Variants in BRME1 observed in about 807,000 individuals in gnomAD.
BRME1 encodes BRCA2 and MEILB2-associating protein 1.
BRME1 carries 31 observed loss-of-function variants against 52.6 expected under a neutral mutation model. That is an observed-to-expected ratio of 0.59 (90% CI 0.44 to 0.80). The LOEUF is 0.80. BRME1 is among the 30% of genes least tolerant of loss of function. The pLI is 0.00. For synonymous variants in BRME1, 359 were observed against 353.6 expected, an observed-to-expected ratio of 1.02 and a Z score of -0.17; for missense variants, 804 against 860.3, an observed-to-expected ratio of 0.93 and a Z score of 0.82.
intron 3 of BRME1, 141 bp downstream of exon 3, chr19:13,895,231 G>A: frequency 1.3e-6 from 1 of 793,522 alleles, no homozygotes; most frequent in Non-Finnish European, 1.9e-6. Flanking sequence ...CGAGATCCGA[G>A]GGCCCTGAGC....
In BRME1 at chr19:13,890,099, G is replaced by T. The variant is rs1030598281; in HGVS notation, c.757C>A (p.Gln253Lys). The T allele has an allele frequency of 8.1e-6, 13 of 1,613,830 alleles. No homozygotes were observed. Among genetic ancestry groups the T allele is most frequent in the Non-Finnish European group, 9.3e-6 (11 of 1,179,992 alleles). Residue 253 changes from glutamine (Q) to lysine (K), a missense_variant, in exon 6 of 9, where the codon CAG becomes AAG. By Grantham distance (53) the Gln-to-Lys change is moderately conservative. Transcript: ENST00000586783. ...GCTGTCCTTTGGGCCCCTCCCTCCT[G>T]GGGGGCTCCTCTGTCTGGCTTCTCC... ...EGEKPDRGAPQEGGAQRTAGA... is the reference protein window; with the variant it reads ...EGEKPDRGAPKEGGAQRTAGA...
chr19:13,897,647 C>T (rs1970000971), intron 2 of BRME1, among the ~76,000 whole-genome samples: 1 of 152,272 alleles, frequency 6.6e-6, no homozygotes, highest in South Asian at 2.1e-4. Flanking sequence ...AGGTGGATTG[C>T]TTAAGCTCAG....
chr19:13,895,606 C>A (rs1969832895), intron 2 of BRME1, 60 bp from the exon 3 acceptor site: 1 of 1,447,300 alleles, frequency 6.9e-7, no homozygotes, highest in African/African-American at 1.4e-5. Context: ...TCATGGCTGA[C>A]AACTCAGGTC....
chr19:13,901,032 G>T (rs1375089908), intron 2 of BRME1, among the ~76,000 whole-genome samples: 1 of 152,004 alleles, frequency 6.6e-6, no homozygotes, highest in South Asian at 2.1e-4. Flanking sequence ...TGGAGTGCAG[G>T]CGCAATCATA....
intron 3 of BRME1, among the ~76,000 whole-genome samples, chr19:13,893,589 C>A (rs188460041): frequency 2.0e-5 from 3 of 152,038 alleles, no homozygotes; most frequent in Non-Finnish European, 2.9e-5. Context: ...ACTCACCTAT[C>A]GAGACAAACG....
chr19:13,889,197 T>TGGGGCTTCGAAGTCAGAGGCGTCC lies in BRME1; in HGVS notation c.1635_1658dup (p.Asp546_Pro553dup). On this transcript the variant is annotated inframe_insertion, in exon 6 of 9. Transcript: ENST00000586783. ...TCAGGGCAGCTCTCACCTGCTCAGG[T>TGGGGCTTCGAAGTCAGAGGCGTCC]GGGGCTTCGAAGTCAGAGGCGTCCA... The TGGGGCTTCGAAGTCAGAGGCGTCC allele has an allele frequency of 6.3e-7, 1 of 1,582,672 alleles. No homozygotes were observed. The highest frequency in any genetic ancestry group is 8.6e-7 in the Non-Finnish European group (1 of 1,163,032).
At chr19:13,902,049 G>GA (rs916040749) in intron 2 of BRME1, among the ~76,000 whole-genome samples, 7,554 of 139,362 alleles carry the variant, frequency 0.054, 247 homozygotes, top group Non-Finnish European at 0.079. Flanking sequence ...TCGAAAAAAA[G>GA]AAAAAAAAAA....
intron 2 of BRME1, among the ~76,000 whole-genome samples, chr19:13,899,737 A>T (rs1318471061): frequency 6.6e-6 from 1 of 152,178 alleles, no homozygotes; most frequent in African/African-American, 2.4e-5. Context: ...GCAGTGGCTC[A>T]TGCCTGTAAT....
intron 7 of BRME1, among the ~76,000 whole-genome samples, chr19:13,884,480 T>C (rs754405752): frequency 1.3e-5 from 2 of 151,638 alleles, no homozygotes; most frequent in African/African-American, 2.4e-5. Flanking sequence ...TATACAAAAT[T>C]AGCCGGGTGT....
At chr19:13,886,952 A>G (rs1969074497) in intron 6 of BRME1, among the ~76,000 whole-genome samples, 1 of 152,172 alleles carries the variant, frequency 6.6e-6, no homozygotes. Context: ...TGGGCGACAG[A>G]GCAAGGCCCT....
intron 2 of BRME1, among the ~76,000 whole-genome samples, chr19:13,897,076 G>A (rs1390113284): frequency 7.1e-6 from 1 of 139,940 alleles, no homozygotes; most frequent in Non-Finnish European, 1.5e-5. Flanking sequence ...GTCTCGCTCT[G>A]TCACCAGGCT....
chr19:13,890,799 G>T (rs920444098), intron 5 of BRME1, among the ~76,000 whole-genome samples: 2 of 152,010 alleles, frequency 1.3e-5, no homozygotes, highest in Admixed American at 6.6e-5. Flanking sequence ...CCCGGGAGGC[G>T]GAGGTTGCAG....
At position 13,889,458 on chromosome 19, in the gene BRME1, G is replaced by A. The variant is rs1486798390; in HGVS notation, c.1398C>T (p.Leu466=). The A allele has an allele frequency of 1.3e-5, 21 of 1,613,834 alleles. No homozygotes were observed. Among genetic ancestry groups the A allele is most frequent in the Admixed American group, 8.3e-5 (5 of 59,990 alleles). ...QEEAELGGQN[L]ERDLEGFRVS... ...CACGGAACCCCTCGAGGTCTCGTTC[G>A]AGGTTCTGGCCACCTAACTCGGCTT... Residue 466 remains leucine (L), a synonymous_variant, in exon 6 of 9, where the codon CTC becomes CTT. Coordinates refer to ENST00000586783, the MANE Select transcript of BRME1 (RefSeq NM_001345843.2).
At position 13,888,764 on chromosome 19, in the gene BRME1, G is replaced by A. The variant is rs1054373379; in HGVS notation, c.1668+424C>T. On this transcript the variant is annotated intron_variant, in intron 6 of 8. Transcript: ENST00000586783. This position sits in a 1 kb window ranked among gnomAD's most constrained non-coding sequence, Gnocchi z 4.1. ...GGCTCTTTTGCAGCTTGGGAGTGAA[G>A]CCCCCTCCCCAGGCCCAGGTATAAA... Among the ~76,000 whole-genome samples, 5 of 152,248 alleles carry A rather than the reference G, an allele frequency of 3.3e-5. No individual in the cohort carries two copies. Among genetic ancestry groups the A allele is most frequent in the South Asian group, 2.1e-4 (1 of 4,822 alleles).
chr19:13,894,361 C>T (rs923474529), intron 3 of BRME1, among the ~76,000 whole-genome samples: 21 of 152,154 alleles, frequency 1.4e-4, no homozygotes, highest in African/African-American at 4.6e-4. Flanking sequence ...CCCGTCTCTA[C>T]TAAAAATACA....
intron 3 of BRME1, 107 bp from the exon 4 acceptor site, chr19:13,893,330 G>A: frequency 1.1e-6 from 1 of 901,014 alleles, no homozygotes; most frequent in Non-Finnish European, 1.7e-6. Flanking sequence ...CCGAGGCCAG[G>A]AGTTCGAGAC....
chr19:13,896,224 T>C (rs1969878074), intron 2 of BRME1, among the ~76,000 whole-genome samples: 1 of 151,556 alleles, frequency 6.6e-6, no homozygotes, highest in Admixed American at 6.6e-5. Context: ...GAGCTGAGAT[T>C]GCGCTACTGC....
chr19:13,885,949 C>T lies in BRME1; in HGVS notation c.1763+12G>A, dbSNP rs372732396. 1.4e-5 allele frequency: 23 copies of T among 1,612,384 alleles called. No homozygotes were observed. The highest frequency in any genetic ancestry group is 9.3e-5 in the African/African-American group (7 of 74,932). The stretch of plus-strand genomic sequence containing the variant: ...GGGTCCTGGAGCCACTTCTCACCCA[C>T]GCCACACCTACCTCGGCTGGGCCTT... On this transcript the variant is annotated intron_variant, in intron 7 of 8. Transcript: ENST00000586783.
rs901093085 is a variant in BRME1 at position 13,892,717 on chromosome 19, G to C, written c.393+69C>G. On this transcript the variant is annotated intron_variant, in intron 5 of 8. Transcript: ENST00000586783. ...TGCCAAAGAACTCCAGGGTTAAATG[G>C]GGCTGCCGAGGCTGGGCCAGGAGGC... is the stretch of plus-strand genomic sequence containing the variant. 44 of 1,302,428 alleles carry C rather than the reference G, an allele frequency of 3.4e-5. No homozygotes were observed. The African/African-American group carries it at 4.5e-4, about 13-fold the overall frequency. The allele number at this position is 1,302,428 out of a possible 1,614,324, so 80.7% of individuals were successfully genotyped here.
Sources: gnomAD v4.1 joint callset for allele counts (sites outside exome capture counted in the v4.1 genomes callset) on GRCh38, gnomAD v4.1.1 for gene constraint, Gnocchi (gnomAD v3.1) non-coding constraint, MANE v1.5 for transcripts, NCBI Gene and HGNC (gene_info 2026-07-23, HGNC 2026-07-21) for gene names.